MRPL13: variants seen among roughly 807,000 people sequenced by gnomAD.
MRPL13 encodes the protein large ribosomal subunit protein uL13m.
A neutral mutation model predicts 29.0 loss-of-function variants in MRPL13; 33 were observed. That is an observed-to-expected ratio of 1.14 (90% CI 0.86 to 1.52). MRPL13 has a LOEUF of 1.52. MRPL13 is among the 40% of genes most tolerant of loss of function. MRPL13 has a pLI of 0.00. For synonymous variants in MRPL13, 77 were observed against 68.4 expected (o/e 1.13, Z -0.62); for missense variants, 227 against 216.7 (o/e 1.05, Z -0.30).
intron 6 of MRPL13, among the ~76,000 whole-genome samples, chr8:120,398,005 G>A (rs981328521): frequency 3.9e-5 from 6 of 152,218 alleles, no homozygotes; most frequent in African/African-American, 1.4e-4. Context: ...CAGGGATGGA[G>A]CCCCTGGCGG....
At chr8:120,422,821 C>T (rs1332177794) in intron 4 of MRPL13, among the ~76,000 whole-genome samples, 1 of 151,666 alleles carries the variant, frequency 6.6e-6, no homozygotes, top group Non-Finnish European at 1.5e-5. Context: ...GTTGTTATAG[C>T]CCAATTCACT....
chr8:120,413,262 G>A (rs1291390636), intron 6 of MRPL13, among the ~76,000 whole-genome samples: 1 of 152,186 alleles, frequency 6.6e-6, no homozygotes, highest in African/African-American at 2.4e-5. Flanking sequence ...CATGCTCAGT[G>A]CTAAATAAGA....
chr8:120,431,528 GA>G (rs1282259148), intron 3 of MRPL13, among the ~76,000 whole-genome samples: 1 of 152,166 alleles, frequency 6.6e-6, no homozygotes, highest in Non-Finnish European at 1.5e-5. Context: ...TGGCCTTGAA[GA>G]AAAGTTCTAT....
chr8:120,420,469 CAT>C (rs1244040752), intron 4 of MRPL13, among the ~76,000 whole-genome samples: 2 of 145,884 alleles, frequency 1.4e-5, no homozygotes, highest in African/African-American at 2.5e-5. Context: ...TATATATAAA[CAT>C]ATATAAATAT....
At chr8:120,399,954 A>G (rs902389761) in intron 6 of MRPL13, among the ~76,000 whole-genome samples, 1 of 152,216 alleles carries the variant, frequency 6.6e-6, no homozygotes, top group African/African-American at 2.4e-5. Context: ...ATATATATGC[A>G]CCTAATTCAG....
chr8:120,401,533 T>A (rs1354912414), intron 6 of MRPL13, among the ~76,000 whole-genome samples: 18 of 152,222 alleles, frequency 1.2e-4, no homozygotes. Flanking sequence ...GTGACAAACC[T>A]ACAGCCAATA....
intron 6 of MRPL13, among the ~76,000 whole-genome samples, chr8:120,399,504 A>G (rs932865578): frequency 5.3e-5 from 8 of 152,206 alleles, no homozygotes; most frequent in Non-Finnish European, 1.0e-4. Flanking sequence ...AGCATTAAAT[A>G]TGGAAAGGAA....
At chr8:120,431,714 T>C (rs553893623) in intron 3 of MRPL13, among the ~76,000 whole-genome samples, 16 of 152,102 alleles carry the variant, frequency 1.1e-4, no homozygotes, top group Non-Finnish European at 1.5e-4. Context: ...TGGTTTGGGA[T>C]GGTTCTGAAA....
At chr8:120,421,950 A>G (rs1449205705) in intron 4 of MRPL13, among the ~76,000 whole-genome samples, 1 of 151,756 alleles carries the variant, frequency 6.6e-6, no homozygotes, top group Non-Finnish European at 1.5e-5. Context: ...ATGCTATTAT[A>G]TACAAAGCAT....
chr8:120,414,041 T>C lies in MRPL13; in HGVS notation c.465A>G (p.Leu155=), dbSNP rs1199027744. The change falls in exon 6 of 7, where the codon CTA becomes CTG. Residue 155 remains leucine (L), a synonymous_variant. Coordinates refer to ENST00000306185, the MANE Select transcript of MRPL13 (RefSeq NM_014078.6). Reference sequence around the variant, plus strand: ...CTATTTCTTCTTGTGTGTACTCATCTAGACGTTTAGGTATTTTTCGTGGTT... The same window carrying C: ...CTATTTCTTCTTGTGTGTACTCATCCAGACGTTTAGGTATTTTTCGTGGTT... ...LPQPRKIPKR[L]DEYTQEEIDA... The C allele has an allele frequency of 5.0e-6, 8 of 1,603,520 alleles. No homozygotes were observed. The Admixed American group carries it at 8.5e-5, about 17-fold the overall frequency.
At chr8:120,398,954 C>T (rs1028390343) in intron 6 of MRPL13, among the ~76,000 whole-genome samples, 1 of 151,656 alleles carries the variant, frequency 6.6e-6, no homozygotes, top group Admixed American at 6.6e-5. Flanking sequence ...CACACACACA[C>T]AGAATGAAAA....
Position 120,445,082 on chromosome 8 carries a change from A to G in MRPL13, c.13T>C (p.Ser5Pro), listed in dbSNP as rs1210679938. 1.9e-6 allele frequency: 3 copies of G among 1,613,928 alleles called. No individual in the cohort carries two copies. The highest frequency in any genetic ancestry group is 1.7e-6 in the Non-Finnish European group (2 of 1,179,926). MSSF[S>P]RAPQQWATFA... ...TCCGAGCTCACCTGGGGCGCCCTAGAGAAACTCGACATATTCCTCTACTAG... is the reference window on the plus strand; with the variant it reads ...TCCGAGCTCACCTGGGGCGCCCTAGGGAAACTCGACATATTCCTCTACTAG... Residue 5 changes from serine (S) to proline (P), a missense_variant, in exon 1 of 7, where the codon TCT becomes CCT. Coordinates refer to ENST00000306185, the MANE Select transcript of MRPL13 (RefSeq NM_014078.6).
Position 120,432,016 on chromosome 8 carries a change from C to G in MRPL13, c.245+14G>C. On this transcript the variant is annotated intron_variant, in intron 3 of 6. Coordinates refer to ENST00000306185, the MANE Select transcript of MRPL13 (RefSeq NM_014078.6). ...TTTAACTACCTAATTTCCCTGACAACAGCATTATCTTACCCAGTATGCGAA... is the reference window on the plus strand; with the variant it reads ...TTTAACTACCTAATTTCCCTGACAAGAGCATTATCTTACCCAGTATGCGAA... 6.5e-7 allele frequency: 1 copy of G among 1,533,720 alleles called. No homozygotes were observed. Among genetic ancestry groups the G allele is most frequent in the Non-Finnish European group, 8.8e-7 (1 of 1,132,926 alleles).
Position 120,443,049 on chromosome 8 carries a change from T to TCCA in MRPL13, c.151+135_151+136insTGG, listed in dbSNP as rs1482438494. The TCCA allele has an allele frequency of 1.8e-4, 168 of 918,442 alleles. 2 individuals carry two copies. The African/African-American group carries it at 2.7e-3, about 15-fold the overall frequency. The allele number at this position is 918,442 out of a possible 1,614,324, so 56.9% of individuals were successfully genotyped here. A position where few individuals can be genotyped will look rare whatever the true frequency, so the allele number is the denominator to read the frequency against. On this transcript the variant is annotated intron_variant, in intron 2 of 6. Transcript: ENST00000306185. ...AATTCAGTTTTGGGCGCTAGTATGGTTTCAGCAAGAATGGAATACAGGATC... is the reference window on the plus strand; with the variant it reads ...AATTCAGTTTTGGGCGCTAGTATGGTCCATTCAGCAAGAATGGAATACAGGATC...
chr8:120,436,087 T>C (rs1366072410), intron 2 of MRPL13, among the ~76,000 whole-genome samples: 3 of 152,152 alleles, frequency 2.0e-5, no homozygotes, highest in African/African-American at 7.2e-5. Context: ...GAATATGCAA[T>C]ATGCCAGGAG....
intron 6 of MRPL13, among the ~76,000 whole-genome samples, chr8:120,401,756 G>A (rs756695638): frequency 7.2e-5 from 11 of 152,050 alleles, no homozygotes; most frequent in African/African-American, 1.7e-4. Flanking sequence ...AAATCCCATC[G>A]TTTCATCCCA....
intron 2 of MRPL13, among the ~76,000 whole-genome samples, chr8:120,435,464 G>C (rs1433999489): frequency 6.6e-6 from 1 of 151,934 alleles, no homozygotes; most frequent in East Asian, 1.9e-4. Context: ...GCAGTATTTG[G>C]TTTTCTGTTC....
intron 3 of MRPL13, among the ~76,000 whole-genome samples, chr8:120,431,608 A>G (rs1812997394): frequency 6.6e-6 from 1 of 152,164 alleles, no homozygotes; most frequent in Non-Finnish European, 1.5e-5. Flanking sequence ...AGCAGAACAC[A>G]CCCAGGTGAG....
intron 2 of MRPL13, among the ~76,000 whole-genome samples, chr8:120,440,742 G>A (rs1813111602): frequency 6.6e-6 from 1 of 151,300 alleles, no homozygotes; most frequent in African/African-American, 2.4e-5. Context: ...AATAAATAAA[G>A]GAAAGAAAGT....
Sources: gnomAD v4.1 joint callset for allele counts (sites outside exome capture counted in the v4.1 genomes callset) on GRCh38, gnomAD v4.1.1 for gene constraint, MANE v1.5 for transcripts, NCBI Gene and HGNC (gene_info 2026-07-23, HGNC 2026-07-21) for gene names.